The following FAM163B variants were observed in gnomAD, a reference collection of about 807,000 sequenced individuals.
FAM163B encodes the protein family with sequence similarity 163 member B.
A neutral mutation model predicts 7.6 loss-of-function variants in FAM163B; 4 were observed. The ratio of observed to expected loss-of-function variants is 0.52; its 90% CI spans 0.26 to 1.20. The LOEUF is 1.20. FAM163B is among the 50% of genes most tolerant of loss of function. FAM163B has a pLI of 0.14. For synonymous variants in FAM163B, 120 were observed against 111.6 expected, an observed-to-expected ratio of 1.07 and a Z score of -0.47; for missense variants, 250 against 243.0, an observed-to-expected ratio of 1.03 and a Z score of -0.19.
At chr9:133,581,600 G>C (rs1446247363) in intron 1 of FAM163B, among the ~76,000 whole-genome samples, 1 of 152,088 alleles carries the variant, frequency 6.6e-6, no homozygotes, top group African/African-American at 2.4e-5. Context: ...GGCTCCTTTT[G>C]CTCTAGAACA....
intron 1 of FAM163B, among the ~76,000 whole-genome samples, chr9:133,598,829 G>A (rs1453882758): frequency 1.3e-5 from 2 of 152,158 alleles, no homozygotes; most frequent in Non-Finnish European, 2.9e-5. Flanking sequence ...GCAAACAGGT[G>A]GCAAATGAAC....
In FAM163B at chr9:133,600,946, C is replaced by T. The variant is rs2131260740; in HGVS notation, c.-24+8131G>A. 6.6e-6 allele frequency among the ~76,000 whole-genome samples: 1 copy of T among 152,244 alleles called. No individual in the cohort carries two copies. Among genetic ancestry groups the T allele is most frequent in the Admixed American group, 6.5e-5 (1 of 15,284 alleles). ...GGGGGGAGCTTCATTGCCTCGAGTT[C>T]CTGGCTGAACTCCAGACATTTTGCT... On this transcript the variant is annotated intron_variant, in intron 1 of 2. Coordinates refer to ENST00000673969, the MANE Select transcript of FAM163B (RefSeq NM_001080515.3). This position sits in a 1 kb window ranked among gnomAD's most constrained non-coding sequence, Gnocchi z 4.9.
At chr9:133,598,622 G>C (rs1831666253) in intron 1 of FAM163B, among the ~76,000 whole-genome samples, 1 of 151,384 alleles carries the variant, frequency 6.6e-6, no homozygotes, top group Non-Finnish European at 1.5e-5. Context: ...AGGGAGGGAG[G>C]GAGAGAGGGA....
intron 1 of FAM163B, among the ~76,000 whole-genome samples, chr9:133,595,640 T>C (rs1056140616): frequency 1.1e-4 from 17 of 152,050 alleles, no homozygotes; most frequent in African/African-American, 4.1e-4. Flanking sequence ...AGGCCTCAGG[T>C]TCCCCTTCCT....
chr9:133,588,619 A>T (rs544454408), intron 1 of FAM163B, among the ~76,000 whole-genome samples: 1 of 151,930 alleles, frequency 6.6e-6, no homozygotes, highest in African/African-American at 2.4e-5. Context: ...ATGCTGAAGG[A>T]TCTAGCATGT....
chr9:133,601,794 C>T lies in FAM163B; in HGVS notation c.-24+7283G>A, dbSNP rs114078716. On this transcript the variant is annotated intron_variant, in intron 1 of 2. Transcript: ENST00000673969. This position sits in a 1 kb window ranked among gnomAD's most constrained non-coding sequence, Gnocchi z 4.1. ...ACCACCAGCCATCTGACCACCATGG[C>T]GTCAGGGCGCGTCTCAGAAGGCTTG... is the stretch of plus-strand genomic sequence containing the variant. Among the ~76,000 whole-genome samples the T allele has an allele frequency of 4.6e-5, 7 of 152,254 alleles. No homozygotes were observed. The highest frequency in any genetic ancestry group is 2.1e-4 in the South Asian group (1 of 4,810).
At chr9:133,594,229 C>A (rs780533195) in intron 1 of FAM163B, among the ~76,000 whole-genome samples, 12 of 152,226 alleles carry the variant, frequency 7.9e-5, no homozygotes, top group Non-Finnish European at 1.3e-4. Context: ...TCCAAGGAAT[C>A]TCTCTGGAAC....
In FAM163B at chr9:133,601,241, G is replaced by A. The variant is rs113692938; in HGVS notation, c.-24+7836C>T. ...CTGGGCAGGGCGCGCCTTTGGAGCC[G>A]ACTCAGTGATTCTATTATAACTTGT... On this transcript the variant is annotated intron_variant, in intron 1 of 2. Transcript: ENST00000673969. This position sits in a 1 kb window ranked among gnomAD's most constrained non-coding sequence, Gnocchi z 4.1. Among the ~76,000 whole-genome samples the A allele has an allele frequency of 3.3e-5, 5 of 152,270 alleles. No homozygotes were observed. Among genetic ancestry groups the A allele is most frequent in the Admixed American group, 1.3e-4 (2 of 15,294 alleles).
chr9:133,608,701 A>G (rs1055902062), intron 1 of FAM163B, among the ~76,000 whole-genome samples: 1 of 152,268 alleles, frequency 6.6e-6, no homozygotes, highest in African/African-American at 2.4e-5. Flanking sequence ...AGCTCAGCAA[A>G]TGAAAAAGTC....
chr9:133,586,512 C>T (rs1831440526), intron 1 of FAM163B, among the ~76,000 whole-genome samples: 1 of 152,198 alleles, frequency 6.6e-6, no homozygotes, highest in African/African-American at 2.4e-5. Flanking sequence ...TTTTGCTGGC[C>T]ACTTCTGGGG....
chr9:133,579,149 C>T lies in FAM163B; in HGVS notation c.374G>A (p.Ser125Asn), dbSNP rs1193862382. 7 of 1,610,244 alleles carry T rather than the reference C, an allele frequency of 4.3e-6. No homozygotes were observed. The highest frequency in any genetic ancestry group is 1.8e-4 in the Middle Eastern group (1 of 5,586). Residue 125 changes from serine to asparagine, a missense_variant, in exon 3 of 3, where the codon AGC (serine) becomes AAC (asparagine). Ser to Asn is a conservative substitution (Grantham distance 46). Coordinates refer to ENST00000673969, the MANE Select transcript of FAM163B (RefSeq NM_001080515.3). ...CAGCTCCACGTCCTCCTGGCTCACG[C>T]TCTTGTAGAGCACGCGCTCCCCGCC... ...LNGGERVLYK[S>N]VSQEDVELPP... is the part of the protein sequence containing the mutation.
rs547382094 is a variant in FAM163B at position 133,590,628 on chromosome 9, G to A, written c.-23-10382C>T. ...CTCCTGGATGCTCAGTAAAGCCCTCGCTGACTCAGCCTTACGGACAGGAGC... is the reference window on the plus strand; with the variant it reads ...CTCCTGGATGCTCAGTAAAGCCCTCACTGACTCAGCCTTACGGACAGGAGC... On this transcript the variant is annotated intron_variant, in intron 1 of 2. Transcript: ENST00000673969. Among the ~76,000 whole-genome samples the A allele has an allele frequency of 3.9e-5, 6 of 152,300 alleles. No individual in the cohort carries two copies. In the South Asian group the frequency reaches 1.2e-3, roughly 32 times the overall value.
intron 1 of FAM163B, among the ~76,000 whole-genome samples, chr9:133,588,633 G>A (rs76850487): frequency 0.094 from 7,192 of 76,462 alleles, 35 homozygotes; most frequent in African/African-American, 0.11. Context: ...AGCATGTTGA[G>A]GGATCTAGCA....
rs1331945547 is a variant in FAM163B at position 133,580,041 on chromosome 9, C to T, written c.93+90G>A. The T allele has an allele frequency of 2.2e-5, 25 of 1,116,230 alleles. No homozygotes were observed. In the East Asian group the frequency reaches 6.3e-4, roughly 28 times the overall value. The allele number at this position is 1,116,230 out of a possible 1,614,324, so 69.1% of individuals were successfully genotyped here. ...TCTTCCCCACTTCCCGGGCCGTGAC[C>T]CTTGTGACCTTCAGGCGGGGCTCCC... On this transcript the variant is annotated intron_variant, in intron 2 of 2. Transcript: ENST00000673969.
At position 133,579,242 on chromosome 9, in the gene FAM163B, C is replaced by A; in HGVS notation, c.281G>T (p.Cys94Phe). Residue 94 changes from cysteine to phenylalanine, a missense_variant, in exon 3 of 3, where the codon TGC (cysteine) becomes TTC (phenylalanine). Coordinates refer to ENST00000673969, the MANE Select transcript of FAM163B (RefSeq NM_001080515.3). ...GAAGGTGGGGGGCTCGCAGTGGGAGCAGCTGCGGCAGAGGGCGCGGGCCTG... is the reference window on the plus strand; with the variant it reads ...GAAGGTGGGGGGCTCGCAGTGGGAGAAGCTGCGGCAGAGGGCGCGGGCCTG... ...SPQARALCRS[C>F]SHCEPPTFFL... 1 of 1,611,944 alleles carries A rather than the reference C, an allele frequency of 6.2e-7. No individual in the cohort carries two copies. Among genetic ancestry groups the A allele is most frequent in the South Asian group, 1.1e-5 (1 of 90,996 alleles).
At chr9:133,596,130 G>A (rs1032908583) in intron 1 of FAM163B, among the ~76,000 whole-genome samples, 1 of 152,110 alleles carries the variant, frequency 6.6e-6, no homozygotes, top group African/African-American at 2.4e-5. Context: ...GTGGTGGGCT[G>A]GAGAGAAGGG....
chr9:133,577,756 C>T lies in FAM163B; in HGVS notation c.*1266G>A, dbSNP rs1233452396. Among the ~76,000 whole-genome samples, 3 of 152,170 alleles carry T rather than the reference C, an allele frequency of 2.0e-5. No homozygotes were observed. The highest frequency in any genetic ancestry group is 7.2e-5 in the African/African-American group (3 of 41,438). On this transcript the variant is annotated 3_prime_UTR_variant, in exon 3 of 3. Coordinates refer to ENST00000673969, the MANE Select transcript of FAM163B (RefSeq NM_001080515.3). Reference sequence around the variant, plus strand: ...CCTCTTTCTGGGTGAGGAAGAGCTGCCTTCCTGATGGCTGGTGTCCTGGGA... The same window carrying T: ...CCTCTTTCTGGGTGAGGAAGAGCTGTCTTCCTGATGGCTGGTGTCCTGGGA...
chr9:133,579,866 C>T (rs1831328155), intron 2 of FAM163B, among the ~76,000 whole-genome samples: 1 of 152,212 alleles, frequency 6.6e-6, no homozygotes, highest in South Asian at 2.1e-4. Context: ...CACTGTGACA[C>T]TCCTTTTGGG....
intron 1 of FAM163B, among the ~76,000 whole-genome samples, chr9:133,595,741 CTCCAT>C (rs1235841556): frequency 1.3e-5 from 2 of 152,214 alleles, no homozygotes; most frequent in East Asian, 3.8e-4. Flanking sequence ...ATATCCCCTG[CTCCAT>C]GGTTGCTCTC....
Sources: allele counts gnomAD v4.1 joint callset (sites outside exome capture counted in the v4.1 genomes callset), GRCh38; gene constraint gnomAD v4.1.1; non-coding constraint Gnocchi (gnomAD v3.1); transcripts MANE v1.5; gene names NCBI Gene and HGNC (gene_info 2026-07-23, HGNC 2026-07-21).